ZNF331: variants seen among roughly 807,000 people sequenced by gnomAD.
ZNF331 encodes zinc finger protein 331.
A neutral mutation model predicts 7.0 loss-of-function variants in ZNF331; 2 were observed. The ratio of observed to expected loss-of-function variants is 0.29; its 90% CI spans 0.12 to 0.90. The LOEUF is 0.90. ZNF331 is among the 40% of genes least tolerant of loss of function. The probability of loss-of-function intolerance (pLI) is 0.58; values close to 1 mark genes in which losing one functional copy is unlikely to be tolerated. For missense variants in ZNF331, 432 were observed against 587.7 expected (o/e 0.74, Z 2.74); for synonymous variants, 196 against 205.4 (o/e 0.95, Z 0.39).
chr19:53,538,123 G>C (rs966457893), upstream of ZNF331: 2 of 152,120 alleles, frequency 1.3e-5, no homozygotes, highest in Non-Finnish European at 2.9e-5. Flanking sequence ...CCTCCAGGGG[G>C]TGGCGGGACC....
intron 3 of ZNF331, among the ~76,000 whole-genome samples, chr19:53,556,276 A>G: frequency 6.6e-6 from 1 of 151,294 alleles, no homozygotes. Context: ...AATCCTATTG[A>G]ATTAGACGTT....
Position 53,573,033 on chromosome 19 carries a change from A to G in ZNF331, c.136+1303A>G, listed in dbSNP as rs2090539637. On this transcript the variant is annotated intron_variant, in intron 5 of 5. Transcript: ENST00000449416. The surrounding 1 kb of genome is among the most constrained non-coding windows in gnomAD (Gnocchi z 4.2). ...CAGGAGTTAGAGACCAGCCTGGCCAACATGGTGAAACCCTGTCTCTACTAA... is the reference window on the plus strand; with the variant it reads ...CAGGAGTTAGAGACCAGCCTGGCCAGCATGGTGAAACCCTGTCTCTACTAA... Among the ~76,000 whole-genome samples, 1 of 152,154 alleles carries G rather than the reference A, an allele frequency of 6.6e-6. No individual in the cohort carries two copies. Among genetic ancestry groups the G allele is most frequent in the Admixed American group, 6.6e-5 (1 of 15,262 alleles).
chr19:53,550,275 T>C (rs1337925118), intron 2 of ZNF331, among the ~76,000 whole-genome samples: 1 of 152,196 alleles, frequency 6.6e-6, no homozygotes, highest in African/African-American at 2.4e-5. Flanking sequence ...TCAGGTCCAA[T>C]GTTTACTTGT....
intron 2 of ZNF331, among the ~76,000 whole-genome samples, chr19:53,551,419 A>G (rs967645124): frequency 2.6e-5 from 4 of 152,198 alleles, no homozygotes; most frequent in African/African-American, 7.2e-5. Context: ...AGTTTGTGAA[A>G]GGCATCCAGC....
chr19:53,574,523 G>A (rs2090610572), intron 5 of ZNF331, among the ~76,000 whole-genome samples: 1 of 132,088 alleles, frequency 7.6e-6, no homozygotes, highest in East Asian at 2.2e-4. Flanking sequence ...GGTGCTGCTG[G>A]TCTGTGGGCC....
intron 3 of ZNF331, among the ~76,000 whole-genome samples, chr19:53,567,914 C>T (rs2090235701): frequency 6.6e-6 from 1 of 151,616 alleles, no homozygotes; most frequent in Non-Finnish European, 1.5e-5. Context: ...CTCATGGTTA[C>T]AGTTTATTAC....
chr19:53,565,927 G>C (rs927586738), intron 3 of ZNF331, among the ~76,000 whole-genome samples: 5 of 152,156 alleles, frequency 3.3e-5, no homozygotes, highest in Non-Finnish European at 5.9e-5. Context: ...TATTTGATAA[G>C]GGAATGCATG....
chr19:53,555,357 A>G (rs1355886078), intron 2 of ZNF331: 1 of 150,318 alleles, frequency 6.7e-6, no homozygotes, highest in Non-Finnish European at 1.5e-5. Context: ...GTGTGACAAC[A>G]CAACCTGTAG....
intron 5 of ZNF331, among the ~76,000 whole-genome samples, chr19:53,572,186 C>A (rs1449364016): frequency 2.0e-5 from 3 of 152,052 alleles, no homozygotes; most frequent in African/African-American, 7.2e-5. Flanking sequence ...TGTGTAAAAC[C>A]AAAGTGGGCG....
At position 53,558,990 on chromosome 19, in the gene ZNF331, T is replaced by C. The variant is rs1050264627; in HGVS notation, c.-74+3082T>C. On this transcript the variant is annotated intron_variant, in intron 3 of 5. Coordinates refer to ENST00000449416, the MANE Select transcript of ZNF331 (RefSeq NM_001079906.2). The surrounding 1 kb of genome is among the most constrained non-coding windows in gnomAD (Gnocchi z 4.5). ...CACCATACACACATATACACACACATACCCCATATATACACACATATACAT... is the reference window on the plus strand; with the variant it reads ...CACCATACACACATATACACACACACACCCCATATATACACACATATACAT... Among the ~76,000 whole-genome samples the C allele has an allele frequency of 2.1e-5, 3 of 144,172 alleles. No homozygotes were observed. Among genetic ancestry groups the C allele is most frequent in the East Asian group, 2.1e-4 (1 of 4,724 alleles). The allele number at this position is 144,172 out of a possible 152,430, so 94.6% of individuals were successfully genotyped here. A position where few individuals can be genotyped will look rare whatever the true frequency, so the allele number is the denominator to read the frequency against.
At chr19:53,544,119 C>T (rs1403917327) in intron 2 of ZNF331, among the ~76,000 whole-genome samples, 7 of 150,934 alleles carry the variant, frequency 4.6e-5, no homozygotes, top group African/African-American at 1.5e-4. Flanking sequence ...CCCAGCTACT[C>T]GGGAGGCTGA....
chr19:53,526,605 T>G (rs1371922556), intron 2 of ZNF331, among the ~76,000 whole-genome samples: 1 of 151,714 alleles, frequency 6.6e-6, no homozygotes. Flanking sequence ...CAGGCTGGAG[T>G]GCAGTGGTGC....
intron 3 of ZNF331, among the ~76,000 whole-genome samples, chr19:53,557,254 G>A (rs2089494108): frequency 2.0e-5 from 3 of 152,126 alleles, no homozygotes; most frequent in South Asian, 4.2e-4. Flanking sequence ...CACCGTGTCC[G>A]GCCACAGCAA....
intron 2 of ZNF331, among the ~76,000 whole-genome samples, chr19:53,549,037 C>T (rs575417701): frequency 2.4e-4 from 36 of 151,976 alleles, no homozygotes; most frequent in East Asian, 9.7e-4. Flanking sequence ...TTAGTAGAGA[C>T]GGAGTTTCCC....
chr19:53,535,088 TTATTTATTTATC>T, upstream of ZNF331, among the ~76,000 whole-genome samples: 1 of 151,956 alleles, frequency 6.6e-6, no homozygotes, highest in African/African-American at 2.4e-5. Flanking sequence ...TTACCCTTAT[TTATTTATTTATC>T]TATTTATTTA....
chr19:53,542,427 T>G (rs967664193), intron 2 of ZNF331, among the ~76,000 whole-genome samples: 1 of 152,200 alleles, frequency 6.6e-6, no homozygotes, highest in Non-Finnish European at 1.5e-5. Flanking sequence ...ATACGGACTT[T>G]CCATGTGACA....
chr19:53,530,815 C>T (rs756958686), intron 2 of ZNF331, among the ~76,000 whole-genome samples: 1 of 152,192 alleles, frequency 6.6e-6, no homozygotes, highest in Non-Finnish European at 1.5e-5. Flanking sequence ...GACGCACTTG[C>T]GTGGGCGTGT....
chr19:53,522,947 G>T (rs1397895937), intron 2 of ZNF331, among the ~76,000 whole-genome samples: 2 of 152,104 alleles, frequency 1.3e-5, no homozygotes, highest in Non-Finnish European at 2.9e-5. Context: ...TGGTAAGGAA[G>T]GGATTTATTT....
At chr19:53,510,774 T>G in the ZNF331 span, among the ~76,000 whole-genome samples, 1 of 141,402 alleles carries the variant, frequency 7.1e-6, no homozygotes, top group Non-Finnish European at 1.6e-5. Flanking sequence ...ATTTTTATAA[T>G]ATTGATTTTT....
Sources: gnomAD v4.1 joint callset for allele counts (sites outside exome capture counted in the v4.1 genomes callset) on GRCh38, gnomAD v4.1.1 for gene constraint, Gnocchi (gnomAD v3.1) non-coding constraint, MANE v1.5 for transcripts, NCBI Gene and HGNC (gene_info 2026-07-23, HGNC 2026-07-21) for gene names.